Variants in VCF1 observed in about 807,000 individuals in gnomAD.
VCF1 encodes the protein VCP nuclear cofactor family member 1, also known as protein VCF1.
chr17:73,222,396 A>T, the VCF1 span, among the ~76,000 whole-genome samples: 1 of 152,032 alleles, frequency 6.6e-6, no homozygotes, highest in Non-Finnish European at 1.5e-5. Context: ...ATTGCTTTAT[A>T]GCTAAGATCA....
the VCF1 span, among the ~76,000 whole-genome samples, chr17:73,230,462 CT>C: frequency 6.6e-6 from 1 of 151,632 alleles, no homozygotes; most frequent in Non-Finnish European, 1.5e-5. Flanking sequence ...GTGCAGTGAT[CT>C]CCGCTCACTG....
chr17:73,232,247 G>C, the VCF1 span: 2 of 1,611,566 alleles, frequency 1.2e-6, no homozygotes, highest in African/African-American at 2.7e-5. Context: ...CCGGTGGCGA[G>C]TACCCCTCAG....
At chr17:73,208,325 G>A in the VCF1 span, 5 of 1,613,670 alleles carry the variant, frequency 3.1e-6, no homozygotes, top group South Asian at 1.1e-5. Flanking sequence ...TTGTCCCCCC[G>A]GCACGCTCCA....
chr17:73,224,065 A>C, the VCF1 span, among the ~76,000 whole-genome samples: 1 of 136,224 alleles, frequency 7.3e-6, no homozygotes, highest in South Asian at 2.8e-4. Flanking sequence ...GGGGAAGAGA[A>C]GAAAGTGGAG....
chr17:73,207,686 A>G, the VCF1 span: 4 of 1,293,600 alleles, frequency 3.1e-6, no homozygotes, highest in African/African-American at 6.1e-5. Flanking sequence ...TCTTGTTAAT[A>G]CACGTTTCAT....
chr17:73,232,043 G>A, the VCF1 span: 2 of 1,538,454 alleles, frequency 1.3e-6, no homozygotes, highest in East Asian at 2.4e-5. Flanking sequence ...CTATCTCCCA[G>A]ATCCTCAGGC....
the VCF1 span, chr17:73,208,431 C>T: frequency 2.5e-6 from 4 of 1,614,200 alleles, no homozygotes; most frequent in Middle Eastern, 3.3e-4. Flanking sequence ...ACTTGGCTGG[C>T]TCTCTAGTAT....
the VCF1 span, among the ~76,000 whole-genome samples, chr17:73,229,860 T>G: frequency 0.011 from 841 of 78,596 alleles, 14 homozygotes; most frequent in African/African-American, 0.045. Flanking sequence ...ACAGTGAGAC[T>G]CCATCTCAAA....
the VCF1 span, among the ~76,000 whole-genome samples, chr17:73,212,034 AAAAT>A: frequency 6.6e-6 from 1 of 152,216 alleles, no homozygotes; most frequent in African/African-American, 2.4e-5. Flanking sequence ...TGTCTCAAAA[AAAAT>A]AAAGACTGGA....
the VCF1 span, among the ~76,000 whole-genome samples, chr17:73,231,154 G>C: frequency 6.6e-6 from 1 of 152,146 alleles, no homozygotes; most frequent in Non-Finnish European, 1.5e-5. Context: ...GCAGCTTGGG[G>C]AACCCTAGGT....
the VCF1 span, among the ~76,000 whole-genome samples, chr17:73,218,380 A>T: frequency 6.6e-6 from 1 of 152,374 alleles, no homozygotes; most frequent in Non-Finnish European, 1.5e-5. Flanking sequence ...ATGAATAAAT[A>T]ACATCCTTTC....
the VCF1 span, among the ~76,000 whole-genome samples, chr17:73,221,120 A>T: frequency 6.6e-6 from 1 of 151,026 alleles, no homozygotes; most frequent in African/African-American, 2.5e-5. Context: ...GCTGGTCTCG[A>T]ACTCCTGACC....
the VCF1 span, among the ~76,000 whole-genome samples, chr17:73,224,960 G>GACAGGACAGC: frequency 1.5e-4 from 7 of 47,300 alleles, no homozygotes; most frequent in South Asian, 2.1e-3. Flanking sequence ...CACAGGACAG[G>GACAGGACAGC]ACAGCACAGC....
chr17:73,217,366 A>G, the VCF1 span, among the ~76,000 whole-genome samples: 1 of 151,462 alleles, frequency 6.6e-6, no homozygotes, highest in Non-Finnish European at 1.5e-5. Context: ...TAAAAAAAAA[A>G]AAAAGGCCAG....
chr17:73,232,132 G>A, the VCF1 span: 1 of 1,610,134 alleles, frequency 6.2e-7, no homozygotes, highest in Non-Finnish European at 8.5e-7. Flanking sequence ...TGGAAGCTAC[G>A]CGGCGCCGCT....
chr17:73,231,503 A>C, the VCF1 span, among the ~76,000 whole-genome samples: 2 of 152,148 alleles, frequency 1.3e-5, no homozygotes, highest in Non-Finnish European at 2.9e-5. Context: ...CCCGCAATCC[A>C]AACAGTTTAG....
the VCF1 span, among the ~76,000 whole-genome samples, chr17:73,220,561 A>G: frequency 6.8e-6 from 1 of 146,038 alleles, no homozygotes; most frequent in African/African-American, 2.7e-5. Context: ...TCTCCTGCCT[A>G]GGCCTCCTGA....
chr17:73,212,628 G>A, the VCF1 span: 487 of 1,482,410 alleles, frequency 3.3e-4, no homozygotes, highest in Non-Finnish European at 4.3e-4. Flanking sequence ...TGCACCTTGC[G>A]AATCATGAAT....
chr17:73,221,707 G>A, the VCF1 span, among the ~76,000 whole-genome samples: 1 of 152,116 alleles, frequency 6.6e-6, no homozygotes, highest in Admixed American at 6.6e-5. Flanking sequence ...TGGACAACAT[G>A]AGGAGACCCC....
Sources: allele counts gnomAD v4.1 joint callset (sites outside exome capture counted in the v4.1 genomes callset), GRCh38; gene constraint gnomAD v4.1.1; transcripts MANE v1.5; gene names NCBI Gene and HGNC (gene_info 2026-07-23, HGNC 2026-07-21).